PCDH15: variants seen among roughly 807,000 people sequenced by gnomAD.
PCDH15 encodes the protein protocadherin-15.
PCDH15 carries 129 observed loss-of-function variants against 178.5 expected under a neutral mutation model. The observed-to-expected ratio is 0.72, with a 90% CI of 0.63 to 0.84. The LOEUF (loss-of-function observed/expected upper bound fraction) is 0.84, where lower values mean the gene tolerates loss of function less well. Ranked by LOEUF, PCDH15 falls within the 40% of genes least tolerant of loss-of-function variation. The probability of loss-of-function intolerance (pLI) is 0.00; values close to 1 mark genes in which losing one functional copy is unlikely to be tolerated. For missense variants in PCDH15, 2,230 were observed against 2,099.9 expected (o/e 1.06, Z -1.21); for synonymous variants, 800 against 732.0 (o/e 1.09, Z -1.50).
At chr10:53,965,808 G>T (rs1019277295) in intron 21 of PCDH15, among the ~76,000 whole-genome samples, 3 of 151,996 alleles carry the variant, frequency 2.0e-5, no homozygotes, top group Non-Finnish European at 4.4e-5. Context: ...CAATCAGATT[G>T]GCTCTCAAAA....
At chr10:54,201,509 T>C (rs2050225641) in intron 10 of PCDH15, among the ~76,000 whole-genome samples, 1 of 152,088 alleles carries the variant, frequency 6.6e-6, no homozygotes, top group Non-Finnish European at 1.5e-5. Flanking sequence ...TTGTAATTAG[T>C]CTGAATCTCA....
intron 2 of PCDH15, among the ~76,000 whole-genome samples, chr10:54,969,835 T>C (rs10825417): frequency 0.34 from 52,414 of 152,094 alleles, 9,776 homozygotes; most frequent in East Asian, 0.69. Context: ...CTAACTTCAT[T>C]TCATTTTGTA....
intron 8 of PCDH15, among the ~76,000 whole-genome samples, chr10:54,303,022 A>T (rs959283358): frequency 2.0e-5 from 3 of 152,178 alleles, no homozygotes; most frequent in African/African-American, 7.2e-5. Context: ...TTCCATCTGG[A>T]TAATAAGAAA....
At chr10:53,991,256 C>T (rs1273819078) in intron 21 of PCDH15, among the ~76,000 whole-genome samples, 1 of 152,230 alleles carries the variant, frequency 6.6e-6, no homozygotes, top group Non-Finnish European at 1.5e-5. Context: ...GATCCACTAG[C>T]CAAAGCCAGC....
intron 2 of PCDH15, among the ~76,000 whole-genome samples, chr10:54,658,716 T>C (rs953671730): frequency 6.6e-6 from 1 of 152,058 alleles, no homozygotes; most frequent in Non-Finnish European, 1.5e-5. Flanking sequence ...ACAGATCCCA[T>C]AAAGCAATTA....
chr10:55,434,234 AT>A (rs957303932), intron 2 of PCDH15, among the ~76,000 whole-genome samples: 11 of 149,074 alleles, frequency 7.4e-5, no homozygotes, highest in African/African-American at 1.5e-4. Flanking sequence ...CGCCCAGCTA[AT>A]TTTTTTTTGT....
At chr10:54,783,504 T>G (rs1018395716) in intron 1 of PCDH15, among the ~76,000 whole-genome samples, 4 of 152,072 alleles carry the variant, frequency 2.6e-5, no homozygotes, top group Non-Finnish European at 4.4e-5. Flanking sequence ...ATATGGAACA[T>G]CATTCAGCAA....
Position 55,052,537 on chromosome 10 carries a change from C to CAAAAAAAAAAAAAAAAA in PCDH15, c.-80+114022_-80+114038dup, listed in dbSNP as rs71014444. 1.0e-4 allele frequency among the ~76,000 whole-genome samples: 4 copies of CAAAAAAAAAAAAAAAAA among 39,362 alleles called. 2 individuals carry two copies. The highest frequency in any genetic ancestry group is 3.5e-4 in the African/African-American group (4 of 11,390). The allele number at this position is 39,362 out of a possible 152,430, so 25.8% of individuals were successfully genotyped here. The stretch of plus-strand genomic sequence containing the variant: ...AACATGGCGAAAACCCCGTCTCATA[C>CAAAAAAAAAAAAAAAAA]AAAAAAAAAAAAAAAAAAAAAAAAA... On this transcript the variant is annotated intron_variant, in intron 2 of 5. Transcript: ENST00000458638.
At chr10:53,875,981 C>T (rs1179109862) in intron 26 of PCDH15, among the ~76,000 whole-genome samples, 4 of 152,134 alleles carry the variant, frequency 2.6e-5, no homozygotes, top group African/African-American at 9.7e-5. Context: ...TTAACTTTAG[C>T]TTCTCAATTA....
intron 1 of PCDH15, among the ~76,000 whole-genome samples, chr10:55,296,789 A>G (rs1207269339): frequency 6.6e-6 from 1 of 152,114 alleles, no homozygotes; most frequent in Admixed American, 6.6e-5. Flanking sequence ...ATCTTGACAA[A>G]CACATTGTCA....
chr10:55,386,207 C>T (rs1837655207), intron 2 of PCDH15, among the ~76,000 whole-genome samples: 1 of 151,774 alleles, frequency 6.6e-6, no homozygotes, highest in Non-Finnish European at 1.5e-5. Flanking sequence ...GGTCACTAAC[C>T]AACATAAAAA....
chr10:55,452,643 T>G (rs1476606060), intron 2 of PCDH15, among the ~76,000 whole-genome samples: 1 of 152,148 alleles, frequency 6.6e-6, no homozygotes, highest in East Asian at 1.9e-4. Flanking sequence ...TAATGTTTTC[T>G]TAGTAAACCT....
intron 2 of PCDH15, among the ~76,000 whole-genome samples, chr10:55,522,894 C>T (rs904385961): frequency 6.0e-5 from 9 of 150,722 alleles, no homozygotes; most frequent in African/African-American, 2.2e-4. Flanking sequence ...TTTCTTTCTC[C>T]CCTGTTGTCT....
At chr10:55,312,695 G>A (rs1050518754) in intron 1 of PCDH15, among the ~76,000 whole-genome samples, 11 of 151,358 alleles carry the variant, frequency 7.3e-5, no homozygotes, top group East Asian at 3.9e-4. Flanking sequence ...TAGGCTCACC[G>A]CAACCTCCGC....
chr10:54,309,676 G>T (rs930722588), intron 8 of PCDH15, among the ~76,000 whole-genome samples: 1 of 151,794 alleles, frequency 6.6e-6, no homozygotes, highest in Non-Finnish European at 1.5e-5. Flanking sequence ...CATGCTGGTA[G>T]TCTCAGCTAC....
At chr10:55,051,417 TTA>T (rs1841157311) in intron 2 of PCDH15, among the ~76,000 whole-genome samples, 1 of 152,192 alleles carries the variant, frequency 6.6e-6, no homozygotes, top group African/African-American at 2.4e-5. Context: ...TTCATTTCTA[TTA>T]GTTTGTTTTA....
intron 2 of PCDH15, chr10:54,599,922 G>A: frequency 1.2e-6 from 1 of 810,502 alleles, no homozygotes; most frequent in Non-Finnish European, 2.1e-6. Flanking sequence ...GTGAGGAAGT[G>A]GCCACTAAGG....
chr10:55,626,736 T>C (rs369617350), intron 2 of PCDH15, among the ~76,000 whole-genome samples: 5 of 152,206 alleles, frequency 3.3e-5, no homozygotes, highest in African/African-American at 7.2e-5. Flanking sequence ...CAATTAAACA[T>C]ACTGTATACA....
chr10:54,106,047 A>T (rs979585827), intron 15 of PCDH15, among the ~76,000 whole-genome samples: 5 of 152,216 alleles, frequency 3.3e-5, no homozygotes, highest in Non-Finnish European at 5.9e-5. Flanking sequence ...CACACATTGC[A>T]TGATTACATC....
Sources: allele counts gnomAD v4.1 joint callset (sites outside exome capture counted in the v4.1 genomes callset), GRCh38; gene constraint gnomAD v4.1.1; transcripts MANE v1.5; gene names NCBI Gene and HGNC (gene_info 2026-07-23, HGNC 2026-07-21).